The following KALRN variants were observed in gnomAD, a reference collection of about 807,000 sequenced individuals.
The protein encoded by KALRN is kalirin.
Under a neutral mutation model 353.7 loss-of-function variants are expected in KALRN, and 70 were observed. The ratio of observed to expected loss-of-function variants is 0.20; its 90% CI spans 0.16 to 0.24. The LOEUF (loss-of-function observed/expected upper bound fraction) is 0.24, where lower values mean the gene tolerates loss of function less well. Among genes scored for constraint, KALRN ranks in the 10% least tolerant of loss-of-function variants. KALRN has a pLI of 1.00. For missense variants in KALRN, 2,791 were observed against 3,756.7 expected, an observed-to-expected ratio of 0.74 and a Z score of 6.72; for synonymous variants, 1,391 against 1,434.8, an observed-to-expected ratio of 0.97 and a Z score of 0.69.
chr3:124,109,999 G>GAT (rs61282153), intron 1 of KALRN, among the ~76,000 whole-genome samples: 3 of 21,714 alleles, frequency 1.4e-4, no homozygotes, highest in Admixed American at 5.9e-4. Flanking sequence ...GTCATACTTT[G>GAT]ATATATATGA....
intron 34 of KALRN, among the ~76,000 whole-genome samples, chr3:124,619,482 C>CTTTTTT (rs59009780): frequency 1.4e-4 from 15 of 104,644 alleles, no homozygotes; most frequent in East Asian, 2.7e-4. Flanking sequence ...TATTTTCCTT[C>CTTTTTT]TTTTTTTTTT....
chr3:124,629,229 A>G (rs920058554), intron 34 of KALRN, among the ~76,000 whole-genome samples: 3 of 152,128 alleles, frequency 2.0e-5, no homozygotes, highest in Non-Finnish European at 4.4e-5. Context: ...TCAGATGCTA[A>G]TGGTATCACT....
At chr3:124,258,355 C>G (rs1344899240) in intron 3 of KALRN, among the ~76,000 whole-genome samples, 4 of 152,222 alleles carry the variant, frequency 2.6e-5, no homozygotes, top group African/African-American at 9.6e-5. Context: ...TACAATAGTT[C>G]TGCTCTTAGT....
intron 10 of KALRN, among the ~76,000 whole-genome samples, chr3:124,372,561 T>C (rs982159273): frequency 6.6e-6 from 1 of 151,926 alleles, no homozygotes; most frequent in Non-Finnish European, 1.5e-5. Flanking sequence ...AACCATACTT[T>C]GGTTTATTCT....
chr3:124,337,621 C>T (rs2081268123), intron 9 of KALRN, among the ~76,000 whole-genome samples: 1 of 152,096 alleles, frequency 6.6e-6, no homozygotes, highest in African/African-American at 2.4e-5. Context: ...TGTTGTGTCT[C>T]CGACAGGGTT....
intron 34 of KALRN, among the ~76,000 whole-genome samples, chr3:124,569,436 A>G (rs2073268801): frequency 1.3e-5 from 2 of 152,360 alleles, no homozygotes; most frequent in Admixed American, 6.5e-5. Context: ...GTGTGTCACC[A>G]ACTCACAAAA....
chr3:124,417,488 A>G (rs1401398687), intron 14 of KALRN, among the ~76,000 whole-genome samples: 2 of 152,206 alleles, frequency 1.3e-5, no homozygotes, highest in Admixed American at 1.3e-4. Flanking sequence ...ACAACGCGTT[A>G]AGTTCTCTCT....
intron 28 of KALRN, among the ~76,000 whole-genome samples, chr3:124,484,771 T>G (rs546205245): frequency 2.0e-5 from 3 of 152,254 alleles, no homozygotes; most frequent in African/African-American, 7.2e-5. Flanking sequence ...TGTAATTATC[T>G]TCTTCTTTCC....
At chr3:124,418,409 A>G (rs2092618829) in intron 14 of KALRN, among the ~76,000 whole-genome samples, 2 of 152,228 alleles carry the variant, frequency 1.3e-5, no homozygotes, top group South Asian at 4.1e-4. Context: ...ACCAGGGTTG[A>G]GAACACTGAT....
At chr3:124,262,429 C>A (rs2073009218) in intron 3 of KALRN, among the ~76,000 whole-genome samples, 1 of 152,102 alleles carries the variant, frequency 6.6e-6, no homozygotes, top group African/African-American at 2.4e-5. Flanking sequence ...GGAAAGAAAT[C>A]CTGTAATTTG....
chr3:124,533,952 CA>C (rs1432671653), intron 33 of KALRN, among the ~76,000 whole-genome samples: 8 of 152,312 alleles, frequency 5.3e-5, no homozygotes, highest in African/African-American at 1.7e-4. Context: ...CATCAAACAT[CA>C]ACAGTGAGAG....
chr3:124,587,973 C>T (rs375602380), intron 34 of KALRN, among the ~76,000 whole-genome samples: 30 of 152,110 alleles, frequency 2.0e-4, no homozygotes, highest in African/African-American at 5.5e-4. Flanking sequence ...GGATTACAGG[C>T]GTGAACCACT....
At chr3:124,220,541 A>G (rs2077786109) in intron 1 of KALRN, among the ~76,000 whole-genome samples, 1 of 152,014 alleles carries the variant, frequency 6.6e-6, no homozygotes, top group East Asian at 1.9e-4. Context: ...AAGAAGGGAG[A>G]ATGAAGGGAA....
chr3:124,269,636 G>C (rs879548514), intron 5 of KALRN, among the ~76,000 whole-genome samples: 2 of 152,146 alleles, frequency 1.3e-5, no homozygotes, highest in Non-Finnish European at 1.5e-5. Flanking sequence ...TGCAATGAGT[G>C]GCTCAAGCCA....
In KALRN at chr3:124,637,735, C is replaced by G. The variant is rs112004811; in HGVS notation, c.5664+432C>G. Among the ~76,000 whole-genome samples, 659 of 152,280 alleles carry G rather than the reference C, an allele frequency of 4.3e-3. 3 individuals are homozygous for G. Among genetic ancestry groups the G allele is most frequent in the African/African-American group, 0.016 (647 of 41,548 alleles). On this transcript the variant is annotated intron_variant, in intron 37 of 59. Transcript: ENST00000682506. ...TGGGTAGCCTTCCAGCGTGCAAAGT[C>G]TTTCAAAAGTAGACTGCTGATTATA... is the stretch of plus-strand genomic sequence containing the variant.
At chr3:124,591,682 T>C (rs1254754211) in intron 34 of KALRN, among the ~76,000 whole-genome samples, 1 of 152,136 alleles carries the variant, frequency 6.6e-6, no homozygotes, top group African/African-American at 2.4e-5. Context: ...TAAAGTGCTC[T>C]AAAAAAATTA....
Position 124,434,410 on chromosome 3 carries a change from C to G in KALRN, c.2933C>G (p.Ala978Gly). 6.2e-7 allele frequency: 1 copy of G among 1,614,182 alleles called. No individual in the cohort carries two copies. Among genetic ancestry groups the G allele is most frequent in the Non-Finnish European group, 8.5e-7 (1 of 1,180,024 alleles). Residue 978 changes from alanine to glycine, a missense_variant, in exon 17 of 60, where the codon GCC (alanine) becomes GGC (glycine). Coordinates refer to ENST00000682506, the MANE Select transcript of KALRN (RefSeq NM_001388419.1). ...CAGGCCGGCCACTACGATGCCGATGCCATCCGGGAATGTGCTGAGAAGGTG... is the reference window on the plus strand; with the variant it reads ...CAGGCCGGCCACTACGATGCCGATGGCATCCGGGAATGTGCTGAGAAGGTG... ...LLQAGHYDAD[A>G]IRECAEKVAL...
intron 51 of KALRN, among the ~76,000 whole-genome samples, chr3:124,683,092 G>C (rs539211329): frequency 5.9e-5 from 9 of 152,150 alleles, no homozygotes; most frequent in African/African-American, 1.9e-4. Context: ...GGGGGTGAAA[G>C]GGGGGCATCA....
At position 124,719,301 on chromosome 3, in the gene KALRN, C is replaced by T; in HGVS notation, c.8792C>T (p.Thr2931Ile). The T allele has an allele frequency of 1.2e-6, 2 of 1,614,244 alleles. 1 individual carries two copies. Among genetic ancestry groups the T allele is most frequent in the Non-Finnish European group, 1.7e-6 (2 of 1,180,048 alleles). Reference sequence around the variant, plus strand: ...TTTCGGAGGCGGCCCACAGCAGCCACATGCTTGCAGCATCCATGGCTGCAG... The same window carrying T: ...TTTCGGAGGCGGCCCACAGCAGCCATATGCTTGCAGCATCCATGGCTGCAG... ...EDFRRRPTAA[T>I]CLQHPWLQPH... is the part of the protein sequence containing the mutation. Residue 2931 changes from threonine to isoleucine, a missense_variant, in exon 60 of 60, where the codon ACA becomes ATA. Coordinates refer to ENST00000682506, the MANE Select transcript of KALRN (RefSeq NM_001388419.1). The surrounding 1 kb of genome is among the most constrained non-coding windows in gnomAD (Gnocchi z 5.3).
Sources: gnomAD v4.1 joint callset for allele counts (sites outside exome capture counted in the v4.1 genomes callset) on GRCh38, gnomAD v4.1.1 for gene constraint, Gnocchi (gnomAD v3.1) non-coding constraint, MANE v1.5 for transcripts, NCBI Gene and HGNC (gene_info 2026-07-23, HGNC 2026-07-21) for gene names.